DPF3: variants seen among roughly 807,000 people sequenced by gnomAD.
The protein encoded by DPF3 is zinc finger protein DPF3.
A neutral mutation model predicts 56.8 loss-of-function variants in DPF3; 18 were observed. The ratio of observed to expected loss-of-function variants is 0.32; its 90% CI spans 0.22 to 0.47. DPF3 has a LOEUF of 0.47. DPF3 is among the 20% of genes least tolerant of loss of function. The pLI is 1.00. For missense variants in DPF3, 403 were observed against 488.8 expected (o/e 0.82, Z 1.65); for synonymous variants, 188 against 180.2 (o/e 1.04, Z -0.35).
At chr14:72,793,560 C>G (rs959191701) in intron 1 of DPF3, among the ~76,000 whole-genome samples, 2 of 152,238 alleles carry the variant, frequency 1.3e-5, no homozygotes, top group African/African-American at 2.4e-5. Flanking sequence ...CACACTCTAC[C>G]TCCATCTCTC....
intron 10 of DPF3, 50 bp downstream of exon 10, chr14:72,619,853 G>T: frequency 7.0e-7 from 1 of 1,421,122 alleles, no homozygotes; most frequent in Non-Finnish European, 9.4e-7. Flanking sequence ...GTAAGTGCTA[G>T]TAGTAGTAGT....
At chr14:72,664,326 C>T (rs886867547) in intron 8 of DPF3, among the ~76,000 whole-genome samples, 2 of 152,106 alleles carry the variant, frequency 1.3e-5, no homozygotes, top group Admixed American at 6.5e-5. Context: ...ATTTCCACCC[C>T]GACCTCCCAA....
At chr14:72,798,124 G>A (rs1892711178) in intron 1 of DPF3, among the ~76,000 whole-genome samples, 1 of 151,812 alleles carries the variant, frequency 6.6e-6, no homozygotes, top group Non-Finnish European at 1.5e-5. Flanking sequence ...TGTGGTGGCA[G>A]GCGCCTGTAA....
At chr14:72,715,617 T>TCACACACACACTCACACTCTGTG (rs763177364) in intron 5 of DPF3, among the ~76,000 whole-genome samples, 5 of 151,664 alleles carry the variant, frequency 3.3e-5, no homozygotes, top group Non-Finnish European at 7.4e-5. Flanking sequence ...TTGGATACTC[T>TCACACACACACTCACACTCTGTG]CACACACACA....
At chr14:72,879,114 T>C (rs992894194) in intron 1 of DPF3, among the ~76,000 whole-genome samples, 2 of 152,214 alleles carry the variant, frequency 1.3e-5, no homozygotes, top group Non-Finnish European at 2.9e-5. Flanking sequence ...CCAGGCTTGG[T>C]GGCTCATGCC....
chr14:72,858,508 G>A (rs57753493), intron 1 of DPF3, among the ~76,000 whole-genome samples: 1 of 152,152 alleles, frequency 6.6e-6, no homozygotes, highest in South Asian at 2.1e-4. Flanking sequence ...TATTCCATCA[G>A]ATGATTGATG....
chr14:72,663,079 A>G (rs1327872879), intron 8 of DPF3, among the ~76,000 whole-genome samples: 1 of 148,700 alleles, frequency 6.7e-6, no homozygotes, highest in Non-Finnish European at 1.5e-5. Flanking sequence ...GGAATAGGGC[A>G]GGTCAGTTGC....
chr14:72,659,220 C>T, intron 8 of DPF3, among the ~76,000 whole-genome samples: 1 of 152,202 alleles, frequency 6.6e-6, no homozygotes, highest in Non-Finnish European at 1.5e-5. Flanking sequence ...GCTTCATTCA[C>T]CAAAGATACC....
intron 8 of DPF3, among the ~76,000 whole-genome samples, chr14:72,638,812 G>A (rs903133192): frequency 7.2e-6 from 1 of 138,502 alleles, no homozygotes; most frequent in Non-Finnish European, 1.5e-5. Context: ...TAGACACTTT[G>A]TTTTACATTT....
chr14:72,663,002 G>C (rs1271012054), intron 8 of DPF3, among the ~76,000 whole-genome samples: 1 of 151,376 alleles, frequency 6.6e-6, no homozygotes, highest in African/African-American at 2.4e-5. Flanking sequence ...ATGAGGCTAG[G>C]CCAGGTGCAA....
intron 1 of DPF3, among the ~76,000 whole-genome samples, chr14:72,819,547 G>GA (rs142914569): frequency 0.093 from 14,200 of 151,918 alleles, 821 homozygotes; most frequent in Admixed American, 0.18. Context: ...TATCAGGACT[G>GA]AAAAAAATAA....
At chr14:72,685,257 C>T (rs754353368) in intron 7 of DPF3, among the ~76,000 whole-genome samples, 2 of 152,180 alleles carry the variant, frequency 1.3e-5, no homozygotes, top group Non-Finnish European at 2.9e-5. Context: ...GACTAGGGCC[C>T]ATCACTCAGG....
At chr14:72,780,918 C>T (rs993562803) in intron 1 of DPF3, among the ~76,000 whole-genome samples, 1 of 152,180 alleles carries the variant, frequency 6.6e-6, no homozygotes, top group Non-Finnish European at 1.5e-5. Context: ...AGAATGCTCT[C>T]AAACTCAGGA....
At chr14:72,761,456 C>T (rs1469659551) in intron 2 of DPF3, among the ~76,000 whole-genome samples, 1 of 152,022 alleles carries the variant, frequency 6.6e-6, no homozygotes, top group Non-Finnish European at 1.5e-5. Flanking sequence ...CTAAACAATA[C>T]AGTTCTAAAT....
rs1302296488 is a variant in DPF3 at position 72,661,062 on chromosome 14, AC to A, written c.871+13177del. On this transcript the variant is annotated intron_variant, in intron 8 of 10. Coordinates refer to ENST00000556509, the MANE Select transcript of DPF3 (RefSeq NM_001280542.3). ...GATGCTATAGGAGCATTGGAAACAG[AC>A]TTTTTATTTAACAGAAACTTACACA... 13 of 985,348 alleles carry A rather than the reference AC, an allele frequency of 1.3e-5. No homozygotes were observed. In the African/African-American group the frequency reaches 2.3e-4, roughly 17 times the overall value. The allele number at this position is 985,348 out of a possible 1,614,324, so 61.0% of individuals were successfully genotyped here.
intron 1 of DPF3, among the ~76,000 whole-genome samples, chr14:72,798,832 G>C (rs1248080297): frequency 6.6e-6 from 1 of 152,210 alleles, no homozygotes; most frequent in African/African-American, 2.4e-5. Flanking sequence ...CTTCATCTTG[G>C]CAACTCCTTC....
intron 6 of DPF3, among the ~76,000 whole-genome samples, chr14:72,707,125 T>C (rs566112696): frequency 5.3e-5 from 8 of 152,200 alleles, no homozygotes; most frequent in African/African-American, 1.7e-4. Flanking sequence ...TGGTTTCCAA[T>C]TTCATCCATG....
intron 5 of DPF3, among the ~76,000 whole-genome samples, chr14:72,723,206 G>T (rs1889255700): frequency 6.6e-6 from 1 of 151,352 alleles, no homozygotes; most frequent in African/African-American, 2.4e-5. Context: ...CTCACAACAG[G>T]CCCCAGTGTG....
At chr14:72,875,738 T>G (rs1886087885) in intron 1 of DPF3, among the ~76,000 whole-genome samples, 1 of 151,164 alleles carries the variant, frequency 6.6e-6, no homozygotes, top group African/African-American at 2.4e-5. Flanking sequence ...ACCCCCAGCC[T>G]CCCCGTGAAA....
Sources: gnomAD v4.1 joint callset for allele counts (sites outside exome capture counted in the v4.1 genomes callset) on GRCh38, gnomAD v4.1.1 for gene constraint, MANE v1.5 for transcripts, NCBI Gene and HGNC (gene_info 2026-07-23, HGNC 2026-07-21) for gene names.